SATL1: variants seen among roughly 807,000 people sequenced by gnomAD.
SATL1 encodes the protein spermidine/spermine N1-acetyl transferase like 1.
In SATL1, 47 loss-of-function variants were observed where a neutral mutation model predicts 51.8. The observed-to-expected ratio is 0.91, with a 90% confidence interval of 0.72 to 1.16. SATL1 has a LOEUF of 1.16. Among genes scored for constraint, SATL1 ranks in the 50% most tolerant of loss-of-function variants. The pLI, the probability that SATL1 is intolerant of heterozygous loss-of-function variation, is 0.00. For missense variants in SATL1, 520 were observed against 526.4 expected (o/e 0.99, Z 0.12); for synonymous variants, 176 against 182.4 (o/e 0.97, Z 0.28).
intron 2 of SATL1, among the ~76,000 whole-genome samples, chrX:85,111,561 A>G (rs1444919263): frequency 1.8e-5 from 2 of 112,277 alleles, no homozygotes. Context: ...AGTGTTATCC[A>G]GTTTAGGAAC....
At chrX:85,195,171 G>C (rs1927531179) in intron 2 of SATL1, among the ~76,000 whole-genome samples, 1 of 111,240 alleles carries the variant, frequency 9.0e-6, no homozygotes, top group Non-Finnish European at 1.9e-5. Context: ...TACTGACCTA[G>C]AAGATATCAT....
intron 3 of SATL1, among the ~76,000 whole-genome samples, chrX:85,106,355 A>G (rs1409041033): frequency 8.9e-6 from 1 of 111,868 alleles, no homozygotes; most frequent in Non-Finnish European, 1.9e-5. Flanking sequence ...GAATCACTTC[A>G]ACAGGTGGAT....
chrX:85,171,127 C>T (rs1319789966), intron 2 of SATL1, among the ~76,000 whole-genome samples: 3 of 111,177 alleles, frequency 2.7e-5, no homozygotes, highest in Non-Finnish European at 3.8e-5. Context: ...AAATGTCAGC[C>T]ACTGATTACA....
intron 2 of SATL1, among the ~76,000 whole-genome samples, chrX:85,123,978 AT>A (rs1925564113): frequency 9.0e-6 from 1 of 111,625 alleles, no homozygotes; most frequent in South Asian, 3.7e-4. Flanking sequence ...ATACTTCTGT[AT>A]TTTTTAAGTT....
At chrX:85,141,602 G>A (rs188312444) in intron 2 of SATL1, among the ~76,000 whole-genome samples, 2 of 111,583 alleles carry the variant, frequency 1.8e-5, no homozygotes, top group Non-Finnish European at 3.8e-5. Flanking sequence ...TGGTTTAATA[G>A]AAAGAAGTAT....
At chrX:85,181,177 ATGTG>A (rs1299879366) in intron 2 of SATL1, among the ~76,000 whole-genome samples, 3 of 91,799 alleles carry the variant, frequency 3.3e-5, no homozygotes, top group Admixed American at 2.3e-4. Context: ...ATATATATAT[ATGTG>A]TGTGTGTATA....
intron 2 of SATL1, among the ~76,000 whole-genome samples, chrX:85,166,468 C>T (rs1029072295): frequency 9.0e-6 from 1 of 110,806 alleles, no homozygotes; most frequent in Non-Finnish European, 1.9e-5. Context: ...GAGCTAAGGA[C>T]GTGAATAGAC....
intron 2 of SATL1, chrX:85,153,573 G>A (rs1602874581): frequency 1.8e-5 from 2 of 111,981 alleles, no homozygotes; most frequent in East Asian, 5.6e-4. Context: ...TAGAGTGCTT[G>A]CTCAGGTGGG....
intron 3 of SATL1, among the ~76,000 whole-genome samples, chrX:85,106,489 C>T (rs770888983): frequency 8.9e-6 from 1 of 112,174 alleles, no homozygotes; most frequent in African/African-American, 3.2e-5. Context: ...AAAACATTTT[C>T]ATTACAAAAC....
chrX:85,242,049 A>G (rs1353378871), intron 1 of SATL1, among the ~76,000 whole-genome samples: 2 of 112,154 alleles, frequency 1.8e-5, no homozygotes, highest in Non-Finnish European at 3.8e-5. Flanking sequence ...TAAAAGGGGG[A>G]TTAATTCCAC....
In SATL1 at chrX:85,151,080, C is replaced by T. The variant is rs1926421233; in HGVS notation, c.-312-41800G>A. 1.0e-4 allele frequency among the ~76,000 whole-genome samples: 11 copies of T among 108,890 alleles called. No homozygotes were observed. In the South Asian group the frequency reaches 4.1e-3, roughly 41 times the overall value. The allele number at this position is 108,890 out of a possible 115,157, so 94.6% of individuals were successfully genotyped here. On this transcript the variant is annotated intron_variant, in intron 2 of 7. Transcript: ENST00000644105. Reference sequence around the variant, plus strand: ...ATCTAGAAAACCCCATTGTCTCAGCCCAAAATCTCCTTAAGCTGATAAGCA... The same window carrying T: ...ATCTAGAAAACCCCATTGTCTCAGCTCAAAATCTCCTTAAGCTGATAAGCA...
At chrX:85,215,583 G>A (rs2147758100) in intron 2 of SATL1, among the ~76,000 whole-genome samples, 1 of 112,094 alleles carries the variant, frequency 8.9e-6, no homozygotes, top group East Asian at 2.8e-4. Flanking sequence ...TTGCTACTTA[G>A]AAATTTCTTT....
intron 2 of SATL1, among the ~76,000 whole-genome samples, chrX:85,189,685 G>A (rs1315366324): frequency 8.9e-6 from 1 of 112,065 alleles, no homozygotes; most frequent in Non-Finnish European, 1.9e-5. Flanking sequence ...TGTAACACAA[G>A]ACTATGAATA....
intron 1 of SATL1, among the ~76,000 whole-genome samples, chrX:85,239,366 T>C (rs1928540870): frequency 9.0e-6 from 1 of 111,128 alleles, no homozygotes; most frequent in African/African-American, 3.3e-5. Context: ...ATGAAACATA[T>C]CCAAGAAGAC....
At chrX:85,145,125 G>C (rs1926200702) in intron 2 of SATL1, among the ~76,000 whole-genome samples, 1 of 111,767 alleles carries the variant, frequency 8.9e-6, no homozygotes, top group African/African-American at 3.3e-5. Flanking sequence ...TACTAGTAGA[G>C]TGACTATTTA....
intron 2 of SATL1, among the ~76,000 whole-genome samples, chrX:85,170,963 T>C (rs994537395): frequency 9.0e-6 from 1 of 111,707 alleles, no homozygotes; most frequent in African/African-American, 3.2e-5. Context: ...ATGAGTTTTA[T>C]TTTACTGTGC....
At chrX:85,104,267 T>A (rs1924974899) in intron 3 of SATL1, among the ~76,000 whole-genome samples, 1 of 111,919 alleles carries the variant, frequency 8.9e-6, no homozygotes, top group African/African-American at 3.2e-5. Context: ...ATGAAGCTCA[T>A]AGGCTTTACA....
chrX:85,191,761 T>G (rs1229756039), intron 2 of SATL1, among the ~76,000 whole-genome samples: 1 of 111,851 alleles, frequency 8.9e-6, no homozygotes, highest in Non-Finnish European at 1.9e-5. Context: ...TCATCTTTGT[T>G]GTCTTCATGT....
At chrX:85,219,986 A>G (rs1399521865) in intron 2 of SATL1, among the ~76,000 whole-genome samples, 1 of 104,794 alleles carries the variant, frequency 9.5e-6, no homozygotes, top group Non-Finnish European at 2.0e-5. Flanking sequence ...CATGTTACTG[A>G]AAGAAATACT....
Sources: allele counts gnomAD v4.1 joint callset (sites outside exome capture counted in the v4.1 genomes callset), GRCh38; gene constraint gnomAD v4.1.1; transcripts MANE v1.5; gene names NCBI Gene and HGNC (gene_info 2026-07-23, HGNC 2026-07-21).